ESRRG: variants seen among roughly 807,000 people sequenced by gnomAD.
The protein encoded by ESRRG is estrogen related receptor gamma, also known as estrogen-related receptor gamma.
In ESRRG, 13 loss-of-function variants were observed where a neutral mutation model predicts 44.0. The observed-to-expected ratio is 0.30, with a 90% CI of 0.19 to 0.47. The LOEUF is 0.47. Ranked by LOEUF, ESRRG falls within the 20% of genes least tolerant of loss-of-function variation. The pLI is 1.00. For missense variants in ESRRG, 395 were observed against 580.6 expected (o/e 0.68, Z 3.29); for synonymous variants, 215 against 214.6 (o/e 1.00, Z -0.02).
intron 3 of ESRRG, among the ~76,000 whole-genome samples, chr1:216,625,911 CTCTA>C (rs1397901563): frequency 7.2e-5 from 11 of 152,250 alleles, no homozygotes; most frequent in Non-Finnish European, 1.5e-4. Context: ...GTCTTACTGT[CTCTA>C]TCTTTGTCTC....
At position 216,769,070 on chromosome 1, in the gene ESRRG, CA is replaced by C. The variant is rs35453041; in HGVS notation, c.-13-91580del. On this transcript the variant is annotated intron_variant, in intron 2 of 7. Coordinates refer to the ESRRG transcript ENST00000359162. ...AATAGATGTTTTAGGAAAAGGAGGC[CA>C]AAAAAAAAATAATGATTAAAAGATT... 6.0e-3 allele frequency among the ~76,000 whole-genome samples: 884 copies of C among 148,182 alleles called. 14 individuals carry two copies. The highest frequency in any genetic ancestry group is 0.02 in the African/African-American group (812 of 40,622).
chr1:216,955,529 C>T (rs7529882), intron 1 of ESRRG, among the ~76,000 whole-genome samples: 3,018 of 150,542 alleles, frequency 0.02, 89 homozygotes, highest in African/African-American at 0.064. Flanking sequence ...CTTTGATATG[C>T]TGATTTCCTT....
At chr1:217,094,125 T>C (rs2092391040), upstream of ESRRG, among the ~76,000 whole-genome samples, 1 of 152,090 alleles carries the variant, frequency 6.6e-6, no homozygotes, top group Non-Finnish European at 1.5e-5. Context: ...CCTCAGGCAA[T>C]CCTCCTGTCT....
rs148101239 is a variant in ESRRG, at chr1:216,982,893, T to G, written c.-105-43220A>C. On this transcript the variant is annotated intron_variant, in intron 1 of 7. Coordinates refer to the ESRRG transcript ENST00000359162. ...CTGATGCCTAGGTCACAATCATCAATAATTTTATCTTCACACACAAGATAA... is the reference window on the plus strand; with the variant it reads ...CTGATGCCTAGGTCACAATCATCAAGAATTTTATCTTCACACACAAGATAA... 5.3e-5 allele frequency among the ~76,000 whole-genome samples: 8 copies of G among 152,316 alleles called. No individual in the cohort carries two copies. The East Asian group carries it at 1.4e-3, about 26-fold the overall frequency.
chr1:217,027,105 C>T (rs1000918228), intron 1 of ESRRG, among the ~76,000 whole-genome samples: 2 of 151,994 alleles, frequency 1.3e-5, no homozygotes, highest in South Asian at 2.1e-4. Context: ...TGTTCTGTGT[C>T]GATTTTGTTT....
intron 2 of ESRRG, among the ~76,000 whole-genome samples, chr1:216,791,438 A>G (rs1336663118): frequency 1.3e-5 from 2 of 152,158 alleles, no homozygotes; most frequent in African/African-American, 4.8e-5. Flanking sequence ...ACATGAGCCA[A>G]TTAAACTTCT....
intron 1 of ESRRG, among the ~76,000 whole-genome samples, chr1:217,003,285 C>T (rs189283318): frequency 2.0e-5 from 3 of 152,170 alleles, no homozygotes; most frequent in Admixed American, 1.3e-4. Context: ...TACTTAATAG[C>T]TTGAGCAAAT....
rs1178582370 is a variant in ESRRG at position 216,665,181 on chromosome 1, G to C, written c.472+11895C>G. Among the ~76,000 whole-genome samples the C allele has an allele frequency of 3.3e-5, 5 of 151,928 alleles. No homozygotes were observed. In the East Asian group the frequency reaches 5.8e-4, roughly 18 times the overall value. On this transcript the variant is annotated intron_variant, in intron 2 of 6. Coordinates refer to ENST00000408911, the MANE Select transcript of ESRRG (RefSeq NM_001438.4). ...TTATAATTGTCCTATTTTAGTATTA[G>C]TTATTTTTGTTAATCTCTTACTGGG...
chr1:217,063,006 C>T (rs2088878792), intron 1 of ESRRG, among the ~76,000 whole-genome samples: 3 of 152,106 alleles, frequency 2.0e-5, no homozygotes. Flanking sequence ...TTTTCTATCT[C>T]CGTTGAGATT....
chr1:216,891,552 A>C (rs2057792409), intron 2 of ESRRG, among the ~76,000 whole-genome samples: 1 of 152,190 alleles, frequency 6.6e-6, no homozygotes, highest in African/African-American at 2.4e-5. Context: ...TGTCTTGAGA[A>C]ACTACACAAG....
In ESRRG at chr1:216,607,357, C is replaced by A. The variant is rs79619681; in HGVS notation, c.590-39259G>T. On this transcript the variant is annotated intron_variant, in intron 3 of 6. Coordinates refer to ENST00000408911, the MANE Select transcript of ESRRG (RefSeq NM_001438.4). ...TGTTTACATTTATTATGTAGACAAG[C>A]AAGAACACTGCGGCATCAGCCTAAC... Among the ~76,000 whole-genome samples the A allele has an allele frequency of 7.2e-3, 1,099 of 152,224 alleles. 12 individuals carry two copies. The highest frequency in any genetic ancestry group is 0.024 in the African/African-American group (1,005 of 41,534).
At chr1:216,728,904 T>G (rs116393648) in intron 2 of ESRRG, among the ~76,000 whole-genome samples, 1 of 152,158 alleles carries the variant, frequency 6.6e-6, no homozygotes, top group Non-Finnish European at 1.5e-5. Flanking sequence ...AGATTTCTTT[T>G]TATAAATGAC....
chr1:216,631,389 T>C (rs943007193), intron 3 of ESRRG, among the ~76,000 whole-genome samples: 2 of 152,230 alleles, frequency 1.3e-5, no homozygotes, highest in Non-Finnish European at 2.9e-5. Context: ...GTGTTTGTTT[T>C]AGGAATACTT....
rs11301281 is a variant in ESRRG, at chr1:216,880,304, CAAAAAAAAA to C, written c.-14+59269_-14+59277del. Among the ~76,000 whole-genome samples the C allele has an allele frequency of 1.9e-3, 54 of 29,030 alleles. No homozygotes were observed. The East Asian group carries it at 0.027, about 15-fold the overall frequency. 19.0% of individuals were successfully genotyped at this position (29,030 alleles called of 152,430 possible). On this transcript the variant is annotated intron_variant, in intron 2 of 7. Transcript: ENST00000359162. The stretch of plus-strand genomic sequence containing the variant: ...CCTGAGCGACAACAAGCCTCCCTCT[CAAAAAAAAA>C]AAAAAAAAAAAAAAAAAAAAAGTTT...
At chr1:216,852,767 A>T (rs1282169073) in intron 2 of ESRRG, among the ~76,000 whole-genome samples, 1 of 152,210 alleles carries the variant, frequency 6.6e-6, no homozygotes, top group Non-Finnish European at 1.5e-5. Flanking sequence ...TCTAATCCAA[A>T]GTCCAGACAT....
rs536948799 is a variant in ESRRG, at chr1:217,061,448, G to A, written c.-106+28059C>T. Among the ~76,000 whole-genome samples the A allele has an allele frequency of 5.3e-5, 8 of 152,160 alleles. No individual in the cohort carries two copies. The South Asian group carries it at 1.7e-3, about 32-fold the overall frequency. ...CCATCTTGCCTAGGACTGCTTTCAC[G>A]CTTCCAATTCAAAGGATATAAATGA... On this transcript the variant is annotated intron_variant, in intron 1 of 7. Coordinates refer to the ESRRG transcript ENST00000359162.
intron 5 of ESRRG, among the ~76,000 whole-genome samples, chr1:216,538,177 T>A (rs2051573853): frequency 1.3e-5 from 2 of 152,092 alleles, no homozygotes. Context: ...AAAGTCATTA[T>A]CTCTTCTATG....
chr1:216,661,886 A>C (rs2072535390), intron 2 of ESRRG, among the ~76,000 whole-genome samples: 1 of 152,216 alleles, frequency 6.6e-6, no homozygotes, highest in Non-Finnish European at 1.5e-5. Context: ...TGTAGGAGGC[A>C]GTATAACATA....
intron 2 of ESRRG, among the ~76,000 whole-genome samples, chr1:216,935,310 C>T (rs1400437694): frequency 6.6e-6 from 1 of 152,200 alleles, no homozygotes; most frequent in Non-Finnish European, 1.5e-5. Context: ...AGGCTACCTA[C>T]AACTGCTGTT....
Sources: gnomAD v4.1 joint callset for allele counts (sites outside exome capture counted in the v4.1 genomes callset) on GRCh38, gnomAD v4.1.1 for gene constraint, MANE v1.5 for transcripts, NCBI Gene and HGNC (gene_info 2026-07-23, HGNC 2026-07-21) for gene names.